Variants in USP45 observed in about 807,000 individuals in gnomAD.
USP45 encodes ubiquitin specific peptidase 45.
USP45 carries 89 observed loss-of-function variants against 95.8 expected under a neutral mutation model. The observed-to-expected ratio is 0.93, with a 90% CI of 0.78 to 1.11. The LOEUF is 1.11. Ranked by LOEUF, USP45 falls within the 50% of genes least tolerant of loss-of-function variation. The pLI is 0.00. For synonymous variants in USP45, 281 were observed against 316.2 expected (o/e 0.89, Z 1.18); for missense variants, 898 against 942.5 (o/e 0.95, Z 0.62).
Position 99,446,355 on chromosome 6 carries a change from C to A in USP45, c.1417G>T (p.Ala473Ser). 6.2e-7 allele frequency: 1 copy of A among 1,614,126 alleles called. No homozygotes were observed. The highest frequency in any genetic ancestry group is 1.1e-5 in the South Asian group (1 of 91,084). ...CGTGACTCAGAATTCATGAGGCTGG[C>A]AAACATTAAAGAATCCCCATTCATT... ...LEMNGDSLMF[A>S]SLMNSESRLN... Residue 473 changes from alanine to serine, a missense_variant, in exon 14 of 18, where the codon GCC becomes TCC. Transcript: ENST00000500704.
intron 13 of USP45, chr6:99,460,693 G>T: frequency 2.7e-6 from 2 of 743,752 alleles, no homozygotes; most frequent in Non-Finnish European, 3.3e-6. Flanking sequence ...GGTCTGATTG[G>T]TAAAATAATA....
chr6:99,479,106 T>C (rs970855534), intron 8 of USP45, among the ~76,000 whole-genome samples: 1 of 151,668 alleles, frequency 6.6e-6, no homozygotes, highest in African/African-American at 2.4e-5. Context: ...CAACAAAACT[T>C]TGGGGGGTGA....
At chr6:99,469,411 A>G (rs1788742573) in intron 9 of USP45, among the ~76,000 whole-genome samples, 1 of 148,664 alleles carries the variant, frequency 6.7e-6, no homozygotes, top group South Asian at 2.1e-4. Flanking sequence ...TTATGACAGT[A>G]GGATGAGGGA....
intron 13 of USP45, among the ~76,000 whole-genome samples, chr6:99,452,287 A>T (rs1415292579): frequency 6.6e-6 from 1 of 152,238 alleles, no homozygotes; most frequent in Non-Finnish European, 1.5e-5. Flanking sequence ...TCATGTGACA[A>T]AGGGCAAATA....
At chr6:99,448,785 G>C (rs1783134207) in intron 13 of USP45, among the ~76,000 whole-genome samples, 1 of 152,122 alleles carries the variant, frequency 6.6e-6, no homozygotes, top group Admixed American at 6.5e-5. Flanking sequence ...AGAAAGGTCA[G>C]GTTACCCGCA....
intron 13 of USP45, among the ~76,000 whole-genome samples, chr6:99,452,543 A>T (rs1161243856): frequency 6.6e-6 from 1 of 152,164 alleles, no homozygotes; most frequent in Non-Finnish European, 1.5e-5. Flanking sequence ...GCTGGAGAGG[A>T]TGTGGAGAAA....
At position 99,433,267 on chromosome 6, in the gene USP45, A is replaced by C. The variant is rs1481555752; in HGVS notation, c.*2449T>G. The C allele has an allele frequency of 6.6e-6, 1 of 152,662 alleles. No individual in the cohort carries two copies. The highest frequency in any genetic ancestry group is 1.5e-5 in the Non-Finnish European group (1 of 68,036). The allele number at this position is 152,662 out of a possible 1,614,324, so 9.5% of individuals were successfully genotyped here. A position where few individuals can be genotyped will look rare whatever the true frequency, so the allele number is the denominator to read the frequency against. Reference sequence around the variant, plus strand: ...TTTATCATTTTATATTTGGAAAAAAACGGGAAGCTGGGGTAAACCAGTTTC... The same window carrying C: ...TTTATCATTTTATATTTGGAAAAAACCGGGAAGCTGGGGTAAACCAGTTTC... On this transcript the variant is annotated 3_prime_UTR_variant, in exon 18 of 18. Transcript: ENST00000500704.
In USP45 at chr6:99,512,016, A is replaced by G. The variant is rs1004936377; in HGVS notation, c.-10-1786T>C. 4.0e-5 allele frequency among the ~76,000 whole-genome samples: 6 copies of G among 151,792 alleles called. No homozygotes were observed. The South Asian group carries it at 1.2e-3, about 32-fold the overall frequency. ...GTAATCATATCTAAGAAAATTAATAATTTTCTAATATCATCTCATATTCCA... is the reference window on the plus strand; with the variant it reads ...GTAATCATATCTAAGAAAATTAATAGTTTTCTAATATCATCTCATATTCCA... On this transcript the variant is annotated intron_variant, in intron 1 of 17. Coordinates refer to ENST00000500704, the MANE Select transcript of USP45 (RefSeq NM_001346022.3).
intron 5 of USP45, among the ~76,000 whole-genome samples, chr6:99,490,025 C>T (rs538812212): frequency 1.1e-4 from 16 of 152,278 alleles, no homozygotes; most frequent in Admixed American, 1.3e-4. Flanking sequence ...CTAACATTTA[C>T]TGACATGGTT....
At chr6:99,500,725 C>T (rs901866576) in intron 5 of USP45, among the ~76,000 whole-genome samples, 2 of 152,164 alleles carry the variant, frequency 1.3e-5, no homozygotes, top group East Asian at 1.9e-4. Flanking sequence ...TCTTTCACCA[C>T]CATATTTTCC....
intron 1 of USP45, 96 bp downstream of exon 1, chr6:99,515,296 C>T (rs1800943606): frequency 6.6e-6 from 1 of 152,208 alleles, no homozygotes; most frequent in African/African-American, 2.4e-5. Context: ...TCCAGCCTCG[C>T]CCACCCACAA....
chr6:99,462,305 T>C (rs1786664151), intron 13 of USP45: 2 of 985,086 alleles, frequency 2.0e-6, no homozygotes, highest in South Asian at 9.4e-5. Context: ...ATATATCATA[T>C]ATGCATATTC....
At chr6:99,509,465 T>C (rs1261214715) in intron 2 of USP45, among the ~76,000 whole-genome samples, 2 of 152,068 alleles carry the variant, frequency 1.3e-5, no homozygotes, top group Admixed American at 6.6e-5. Context: ...GGAAAAAATA[T>C]ATTAAAAATA....
chr6:99,501,796 C>A, intron 5 of USP45: 1 of 595,736 alleles, frequency 1.7e-6, no homozygotes, highest in Non-Finnish European at 2.4e-6. Context: ...ATACATAATA[C>A]ATTACTGTTA....
rs757030281 is a variant in USP45, at chr6:99,468,565, A to G, written c.987T>C (p.Ala329=). 5.0e-6 allele frequency: 8 copies of G among 1,609,200 alleles called. No individual in the cohort carries two copies. In the South Asian group the frequency reaches 7.7e-5, roughly 16 times the overall value. Residue 329 remains alanine, a synonymous_variant, in exon 10 of 18, where the codon GCT becomes GCC. Transcript: ENST00000500704. ...KAFNNPTTKT[A]DDETRKKVKA... The stretch of plus-strand genomic sequence containing the variant: ...TGACTTTTTTTCTAGTTTCATCATC[A>G]GCAGTTTTAGTAGTTGGGTTGTTAA...
rs189003947 is a variant in USP45 at position 99,481,865 on chromosome 6, C to T, written c.845+888G>A. On this transcript the variant is annotated intron_variant, in intron 8 of 17. Coordinates refer to ENST00000500704, the MANE Select transcript of USP45 (RefSeq NM_001346022.3). ...GATTTCATTCTTTATTATGGCTGTG[C>T]TAAAAACTTTTTAACTCTGTGAGAC... 6.7e-3 allele frequency among the ~76,000 whole-genome samples: 1,022 copies of T among 152,218 alleles called. 14 individuals carry two copies. Among genetic ancestry groups the T allele is most frequent in the African/African-American group, 0.022 (934 of 41,532 alleles).
rs755892066 is a variant in USP45, at chr6:99,503,854, C to T, written c.389G>A (p.Cys130Tyr). 130 of 1,578,048 alleles carry T rather than the reference C, an allele frequency of 8.2e-5. No individual in the cohort carries two copies. In the South Asian group the frequency reaches 1.5e-3, roughly 18 times the overall value. The change falls in exon 5 of 18, where the codon TGT (cysteine) becomes TAT (tyrosine). Residue 130 changes from cysteine to tyrosine, a missense_variant. By Grantham distance (194) the Cys-to-Tyr change is radical. Transcript: ENST00000500704. ...LSTWIIWCYE[C>Y]DEKLSTHCNK... ...ACAATGCGTTGATAATTTTTCATCA[C>T]ATTCATAACACCTGAAAAAGTATAA...
At position 99,488,823 on chromosome 6, in the gene USP45, A is replaced by G; in HGVS notation, c.479-3T>C. ...TTTCATGATTCTAGAAAATGCACCT[A>G]CAAGTTAGAGAAAAAATAACTGACA... On this transcript the variant is annotated splice_region_variant and splice_polypyrimidine_tract_variant and intron_variant, in intron 5 of 17. Coordinates refer to ENST00000500704, the MANE Select transcript of USP45 (RefSeq NM_001346022.3). 1.9e-6 allele frequency: 3 copies of G among 1,560,826 alleles called. No individual in the cohort carries two copies. The highest frequency in any genetic ancestry group is 2.6e-6 in the Non-Finnish European group (3 of 1,159,080).
At chr6:99,487,158 T>C (rs1454035152) in intron 7 of USP45, among the ~76,000 whole-genome samples, 2 of 152,188 alleles carry the variant, frequency 1.3e-5, no homozygotes, top group African/African-American at 4.8e-5. Flanking sequence ...CAATAAATCT[T>C]ACATATTGTG....
Sources: gnomAD v4.1 joint callset for allele counts (sites outside exome capture counted in the v4.1 genomes callset) on GRCh38, gnomAD v4.1.1 for gene constraint, MANE v1.5 for transcripts, NCBI Gene and HGNC (gene_info 2026-07-23, HGNC 2026-07-21) for gene names.